The following DNAH9 variants were observed in gnomAD, a reference collection of about 807,000 sequenced individuals.
DNAH9 encodes DNAH9 variant protein.
In DNAH9, 345 loss-of-function variants were observed where a neutral mutation model predicts 471.6. The observed-to-expected ratio is 0.73, with a 90% CI of 0.67 to 0.80. DNAH9 has a LOEUF of 0.80. DNAH9 is among the 30% of genes least tolerant of loss of function. The pLI, the probability that DNAH9 is intolerant of heterozygous loss-of-function variation, is 0.00. For synonymous variants in DNAH9, 2,093 were observed against 2,123.6 expected (o/e 0.99, Z 0.40); for missense variants, 5,407 against 5,609.2 (o/e 0.96, Z 1.15).
intron 39 of DNAH9, among the ~76,000 whole-genome samples, chr17:11,782,559 C>T (rs144326021): frequency 1.4e-3 from 220 of 152,302 alleles, no homozygotes; most frequent in South Asian, 3.7e-3. Flanking sequence ...TCCCACTCAT[C>T]GATCGGTCCC....
At position 11,934,501 on chromosome 17, in the gene DNAH9, A is replaced by G. The variant is rs1368467772; in HGVS notation, c.12489+430A>G. Among the ~76,000 whole-genome samples the G allele has an allele frequency of 8.6e-5, 11 of 128,624 alleles. No homozygotes were observed. The East Asian group carries it at 2.3e-3, about 27-fold the overall frequency. 84.4% of individuals were successfully genotyped at this position (128,624 alleles called of 152,430 possible). ...TGCTCTGGCGCCCAGGCTGGAGTGC[A>G]GTGGCGCTATCTCTGCTCACTGCAA... is the stretch of plus-strand genomic sequence containing the variant. On this transcript the variant is annotated intron_variant, in intron 65 of 68. Transcript: ENST00000262442.
intron 6 of DNAH9, among the ~76,000 whole-genome samples, chr17:11,628,717 T>G (rs2073012410): frequency 6.6e-6 from 1 of 152,222 alleles, no homozygotes; most frequent in African/African-American, 2.4e-5. Flanking sequence ...ATTCTAGAAC[T>G]GGATAACATG....
intron 1 of DNAH9, among the ~76,000 whole-genome samples, chr17:11,607,411 A>G (rs544841229): frequency 2.0e-5 from 3 of 152,312 alleles, no homozygotes; most frequent in Admixed American, 6.5e-5. Context: ...CACACTTTGT[A>G]TTAATAGTAT....
intron 43 of DNAH9, among the ~76,000 whole-genome samples, chr17:11,804,674 T>A (rs113186409): frequency 0.057 from 8,699 of 151,830 alleles, 304 homozygotes; most frequent in African/African-American, 0.083. Flanking sequence ...GGAGATCGAG[T>A]CCATCCTGGC....
intron 50 of DNAH9, among the ~76,000 whole-genome samples, chr17:11,856,696 A>AC (rs1567852319): frequency 1.3e-5 from 2 of 151,182 alleles, no homozygotes; most frequent in African/African-American, 4.9e-5. Flanking sequence ...ACACAGCGAG[A>AC]CCCTGTCTCA....
chr17:11,751,471 TA>T (rs1967148486), intron 32 of DNAH9, among the ~76,000 whole-genome samples: 1 of 151,932 alleles, frequency 6.6e-6, no homozygotes, highest in Non-Finnish European at 1.5e-5. Flanking sequence ...AGTATTAACA[TA>T]AAACATTAAC....
intron 28 of DNAH9, among the ~76,000 whole-genome samples, chr17:11,737,544 C>T (rs886420723): frequency 3.3e-5 from 5 of 152,172 alleles, no homozygotes; most frequent in African/African-American, 1.2e-4. Context: ...AGGCTGTGGG[C>T]TAGCCTGAAA....
intron 38 of DNAH9, among the ~76,000 whole-genome samples, chr17:11,779,166 G>A (rs1968577634): frequency 6.6e-6 from 1 of 152,108 alleles, no homozygotes; most frequent in African/African-American, 2.4e-5. Flanking sequence ...GAGAAATTCA[G>A]CCAGAATGTA....
At chr17:11,836,496 T>A (rs537435349) in intron 49 of DNAH9, among the ~76,000 whole-genome samples, 1 of 152,268 alleles carries the variant, frequency 6.6e-6, no homozygotes, top group African/African-American at 2.4e-5. Flanking sequence ...CCATTAGGAA[T>A]TTGTTATATC....
At chr17:11,851,354 G>A (rs912740955) in intron 49 of DNAH9, among the ~76,000 whole-genome samples, 5 of 152,018 alleles carry the variant, frequency 3.3e-5, no homozygotes, top group African/African-American at 1.2e-4. Context: ...CTGACCTTAG[G>A]TGATCTCCCT....
chr17:11,605,034 C>G (rs1163377189), intron 1 of DNAH9, among the ~76,000 whole-genome samples: 3 of 152,184 alleles, frequency 2.0e-5, no homozygotes, highest in African/African-American at 7.2e-5. Context: ...TCCCTTTACT[C>G]TCACCTATTC....
At chr17:11,619,969 G>A in intron 6 of DNAH9, 188 bp downstream of exon 6, 1 of 572,230 alleles carries the variant, frequency 1.7e-6, no homozygotes, top group Non-Finnish European at 3.1e-6. Context: ...CTAGCACTTT[G>A]GGAGGCAAAG....
chr17:11,838,466 T>C (rs1455385702), intron 49 of DNAH9, among the ~76,000 whole-genome samples: 2 of 151,986 alleles, frequency 1.3e-5, no homozygotes, highest in African/African-American at 4.8e-5. Context: ...AGGTAGGAAA[T>C]AGGGAAGAGA....
intron 48 of DNAH9, among the ~76,000 whole-genome samples, chr17:11,827,606 G>A (rs7213187): frequency 0.61 from 92,978 of 151,918 alleles, 28,576 homozygotes; most frequent in East Asian, 0.65. Context: ...GCATTTGACA[G>A]TTCGACCTGA....
chr17:11,705,269 C>T (rs2074680471), intron 26 of DNAH9, 84 bp downstream of exon 26: 5 of 1,229,048 alleles, frequency 4.1e-6, no homozygotes, highest in Non-Finnish European at 4.7e-6. Flanking sequence ...AAGTCCCTGT[C>T]ACTTGCTATT....
intron 30 of DNAH9, among the ~76,000 whole-genome samples, chr17:11,743,416 C>T (rs1021897520): frequency 6.6e-6 from 1 of 152,218 alleles, no homozygotes; most frequent in African/African-American, 2.4e-5. Flanking sequence ...TTTTCCACCT[C>T]TCTTCTAATT....
chr17:11,750,749 C>A (rs1474225349), intron 32 of DNAH9, among the ~76,000 whole-genome samples: 2 of 152,068 alleles, frequency 1.3e-5, no homozygotes, highest in East Asian at 1.9e-4. Flanking sequence ...ACAAGAACAC[C>A]TATGGGCTCC....
At chr17:11,714,115 G>A (rs543957436) in intron 26 of DNAH9, among the ~76,000 whole-genome samples, 1 of 152,272 alleles carries the variant, frequency 6.6e-6, no homozygotes, top group East Asian at 1.9e-4. Flanking sequence ...ATATTAAAGC[G>A]TTATCAAAGG....
At chr17:11,703,838 T>C (rs1478301025) in intron 24 of DNAH9, among the ~76,000 whole-genome samples, 1 of 152,154 alleles carries the variant, frequency 6.6e-6, no homozygotes, top group Non-Finnish European at 1.5e-5. Flanking sequence ...ATTGGGATGG[T>C]TGGGCAACAT....
Sources: allele counts gnomAD v4.1 joint callset (sites outside exome capture counted in the v4.1 genomes callset), GRCh38; gene constraint gnomAD v4.1.1; transcripts MANE v1.5; gene names NCBI Gene and HGNC (gene_info 2026-07-23, HGNC 2026-07-21).